The following ADGB variants were observed in gnomAD, a reference collection of about 807,000 sequenced individuals.
ADGB encodes the protein androglobin.
A neutral mutation model predicts 210.5 loss-of-function variants in ADGB; 172 were observed. The observed-to-expected ratio is 0.82, with a 90% confidence interval of 0.72 to 0.93. The LOEUF (loss-of-function observed/expected upper bound fraction) is 0.93. Among genes scored for constraint, ADGB ranks in the 40% least tolerant of loss-of-function variants. ADGB has a pLI of 0.00. For synonymous variants in ADGB, 658 were observed against 662.7 expected (o/e 0.99, Z 0.11); for missense variants, 2,025 against 1,964.8 (o/e 1.03, Z -0.58).
At chr6:146,720,057 CT>C (rs145632815) in intron 16 of ADGB, among the ~76,000 whole-genome samples, 8,355 of 151,942 alleles carry the variant, frequency 0.055, 743 homozygotes, top group African/African-American at 0.19. Context: ...CATATATTAA[CT>C]TTTTTTTAAT....
At chr6:146,786,252 G>A (rs1054651565) in intron 32 of ADGB, among the ~76,000 whole-genome samples, 10 of 149,114 alleles carry the variant, frequency 6.7e-5, no homozygotes, top group African/African-American at 2.5e-4. Context: ...AAGGACACAG[G>A]CACCAGAGAC....
intron 29 of ADGB, among the ~76,000 whole-genome samples, chr6:146,774,363 T>G (rs1321457391): frequency 6.6e-6 from 1 of 152,226 alleles, no homozygotes; most frequent in African/African-American, 2.4e-5. Flanking sequence ...TTATCATGTA[T>G]TCCAAAGAAA....
intron 35 of ADGB, among the ~76,000 whole-genome samples, chr6:146,806,079 T>A (rs557750337): frequency 6.6e-6 from 1 of 152,204 alleles, no homozygotes; most frequent in Non-Finnish European, 1.5e-5. Flanking sequence ...TAAGTTCAAT[T>A]TACCATGTGG....
intron 26 of ADGB, among the ~76,000 whole-genome samples, chr6:146,751,512 G>A (rs1181960059): frequency 6.6e-6 from 1 of 151,956 alleles, no homozygotes; most frequent in African/African-American, 2.4e-5. Context: ...GGGATTGCTG[G>A]GTCAAATGGT....
intron 3 of ADGB, among the ~76,000 whole-genome samples, chr6:146,648,415 A>T (rs1775653086): frequency 6.6e-6 from 1 of 152,104 alleles, no homozygotes; most frequent in African/African-American, 2.4e-5. Context: ...TTTATGGAGA[A>T]AAGAGGCTTA....
chr6:146,651,916 T>C (rs1232846963), intron 3 of ADGB, among the ~76,000 whole-genome samples: 1 of 152,170 alleles, frequency 6.6e-6, no homozygotes, highest in African/African-American at 2.4e-5. Flanking sequence ...TGTTATAAAA[T>C]ACCTTAAAAT....
At chr6:146,796,038 C>T (rs1778035337) in intron 33 of ADGB, among the ~76,000 whole-genome samples, 1 of 152,060 alleles carries the variant, frequency 6.6e-6, no homozygotes, top group African/African-American at 2.4e-5. Flanking sequence ...ATAAGTAGCA[C>T]TGTTATACAC....
At chr6:146,651,304 G>A (rs1231777062) in intron 3 of ADGB, among the ~76,000 whole-genome samples, 1 of 152,186 alleles carries the variant, frequency 6.6e-6, no homozygotes, top group East Asian at 1.9e-4. Flanking sequence ...CGTACAGGCT[G>A]AGTCACTTGA....
chr6:146,750,559 GA>G (rs1252787452), intron 26 of ADGB, among the ~76,000 whole-genome samples: 1 of 151,684 alleles, frequency 6.6e-6, no homozygotes, highest in African/African-American at 2.4e-5. Context: ...TATATAGAGA[GA>G]AAAAAGTGTT....
intron 6 of ADGB, among the ~76,000 whole-genome samples, chr6:146,666,548 A>G (rs927627497): frequency 2.0e-4 from 31 of 152,000 alleles, no homozygotes; most frequent in Non-Finnish European, 4.3e-4. Flanking sequence ...ATGTGAATAT[A>G]TTTCATGTAT....
chr6:146,644,443 G>T (rs867210900), intron 2 of ADGB, among the ~76,000 whole-genome samples: 7 of 151,782 alleles, frequency 4.6e-5, no homozygotes, highest in Middle Eastern at 3.4e-3. Flanking sequence ...GCCATATCTG[G>T]CCCATCGTAA....
intron 6 of ADGB, among the ~76,000 whole-genome samples, chr6:146,665,899 G>C (rs1447096438): frequency 1.3e-5 from 2 of 151,998 alleles, no homozygotes; most frequent in East Asian, 1.9e-4. Flanking sequence ...ACAGAAAAGA[G>C]CATTATTTCT....
intron 9 of ADGB, among the ~76,000 whole-genome samples, chr6:146,682,748 T>G (rs1399117850): frequency 6.6e-6 from 1 of 152,140 alleles, no homozygotes. Context: ...TCACACAACA[T>G]ATTTACAGAG....
At chr6:146,779,853 C>T (rs746710125) in intron 29 of ADGB, among the ~76,000 whole-genome samples, 55 of 87,572 alleles carry the variant, frequency 6.3e-4, no homozygotes, top group Non-Finnish European at 1.0e-3. Flanking sequence ...ACAGGAAGGT[C>T]TTCCAGCTAT....
chr6:146,640,005 G>C (rs952314664), intron 2 of ADGB, among the ~76,000 whole-genome samples: 1 of 151,466 alleles, frequency 6.6e-6, no homozygotes, highest in African/African-American at 2.4e-5. Context: ...AATAAAATAG[G>C]CCACTAGCTA....
At chr6:146,677,616 T>C (rs1217201990) in intron 9 of ADGB, among the ~76,000 whole-genome samples, 1 of 152,210 alleles carries the variant, frequency 6.6e-6, no homozygotes, top group Non-Finnish European at 1.5e-5. Context: ...TTCATCTTTG[T>C]GAAAATGGCT....
At chr6:146,674,736 G>A (rs544544928) in intron 8 of ADGB, among the ~76,000 whole-genome samples, 1 of 152,308 alleles carries the variant, frequency 6.6e-6, no homozygotes, top group South Asian at 2.1e-4. Flanking sequence ...CAGCTGCCAA[G>A]TTTATTCAGA....
chr6:146,671,007 G>A (rs73004169), intron 7 of ADGB, among the ~76,000 whole-genome samples: 5,384 of 152,244 alleles, frequency 0.035, 131 homozygotes, highest in Non-Finnish European at 0.054. Flanking sequence ...ATATATCAAG[G>A]AAATAGAAGA....
intron 3 of ADGB, among the ~76,000 whole-genome samples, chr6:146,647,588 A>G (rs1352183386): frequency 6.6e-6 from 1 of 152,122 alleles, no homozygotes; most frequent in East Asian, 1.9e-4. Flanking sequence ...ATCAAGTTAT[A>G]GTTTGGGAAA....
Sources: gnomAD v4.1 joint callset for allele counts (sites outside exome capture counted in the v4.1 genomes callset) on GRCh38, gnomAD v4.1.1 for gene constraint, MANE v1.5 for transcripts, NCBI Gene and HGNC (gene_info 2026-07-23, HGNC 2026-07-21) for gene names.